The following ENPP1 variants were observed in gnomAD, a reference collection of about 807,000 sequenced individuals.
The protein encoded by ENPP1 is ectonucleotide pyrophosphatase/phosphodiesterase family member 1.
A neutral mutation model predicts 122.8 loss-of-function variants in ENPP1; 73 were observed. The ratio of observed to expected loss-of-function variants is 0.59; its 90% CI spans 0.49 to 0.72. The LOEUF is 0.72. Ranked by LOEUF, ENPP1 falls within the 30% of genes least tolerant of loss-of-function variation. The pLI is 0.00. For missense variants in ENPP1, 978 were observed against 1,128.1 expected (o/e 0.87, Z 1.91); for synonymous variants, 367 against 391.6 (o/e 0.94, Z 0.74).
chr6:131,810,758 G>A (rs1396494510), intron 1 of ENPP1, among the ~76,000 whole-genome samples: 1 of 152,154 alleles, frequency 6.6e-6, no homozygotes, highest in African/African-American at 2.4e-5. Context: ...CAATCATGTT[G>A]CAGTGGCAAT....
At position 131,838,679 on chromosome 6, in the gene ENPP1, A is replaced by G. The variant is rs377089174; in HGVS notation, c.241-9097A>G. On this transcript the variant is annotated intron_variant, in intron 1 of 24. Coordinates refer to ENST00000647893, the MANE Select transcript of ENPP1 (RefSeq NM_006208.3). ...AAGACCAGAAATTAATAAAATAACA[A>G]TAAGCATACAAAAGAAAAGATAAGA... is the stretch of plus-strand genomic sequence containing the variant. Among the ~76,000 whole-genome samples the G allele has an allele frequency of 9.7e-4, 148 of 152,104 alleles. 6 individuals carry two copies. In the South Asian group the frequency reaches 0.03, roughly 30 times the overall value.
Position 131,890,749 on chromosome 6 carries a change from G to C in ENPP1, c.*238G>C, listed in dbSNP as rs1356987273. ...TTGTATACATTGATCAAGTTCGGGGGAATAAAGACAGACCACACCTAAAAC... is the reference window on the plus strand; with the variant it reads ...TTGTATACATTGATCAAGTTCGGGGCAATAAAGACAGACCACACCTAAAAC... On this transcript the variant is annotated 3_prime_UTR_variant, in exon 25 of 25. Transcript: ENST00000647893. 1 of 527,492 alleles carries C rather than the reference G, an allele frequency of 1.9e-6. No individual in the cohort carries two copies. Among genetic ancestry groups the C allele is most frequent in the Non-Finnish European group, 3.4e-6 (1 of 294,248 alleles). 32.7% of individuals were successfully genotyped at this position (527,492 alleles called of 1,614,324 possible). A position where few individuals can be genotyped will look rare whatever the true frequency, so the allele number is the denominator to read the frequency against.
intron 24 of ENPP1, among the ~76,000 whole-genome samples, chr6:131,888,966 G>A (rs1410045859): frequency 6.6e-6 from 1 of 152,122 alleles, no homozygotes; most frequent in Non-Finnish European, 1.5e-5. Flanking sequence ...CACCATTAGG[G>A]ACCCAGAACT....
In ENPP1 at chr6:131,887,725, A is replaced by ATTTTTTTTT. The variant is rs757759048; in HGVS notation, c.2607+1014_2607+1022dup. Among the ~76,000 whole-genome samples the ATTTTTTTTT allele has an allele frequency of 5.1e-4, 59 of 114,874 alleles. 2 individuals are homozygous for ATTTTTTTTT. Among genetic ancestry groups the ATTTTTTTTT allele is most frequent in the African/African-American group, 6.6e-4 (18 of 27,244 alleles). The allele number at this position is 114,874 out of a possible 152,430, so 75.4% of individuals were successfully genotyped here. ...AGGCGCCCGCCACCACACCCGGCTA[A>ATTTTTTTTT]TTTTTTTTTTTTTTTTTTTTTAGTA... On this transcript the variant is annotated intron_variant, in intron 24 of 24. Transcript: ENST00000647893.
chr6:131,830,857 T>TC (rs1022700591), intron 1 of ENPP1, among the ~76,000 whole-genome samples: 8 of 151,906 alleles, frequency 5.3e-5, no homozygotes, highest in African/African-American at 1.9e-4. Flanking sequence ...ACGCCTGTAA[T>TC]CCCAGCATTC....
intron 1 of ENPP1, among the ~76,000 whole-genome samples, chr6:131,810,544 T>C (rs1781337445): frequency 6.8e-6 from 1 of 146,768 alleles, no homozygotes; most frequent in Non-Finnish European, 1.5e-5. Context: ...CTGGGATATG[T>C]CTTCTAGAAA....
chr6:131,834,022 C>T (rs1205674547), intron 1 of ENPP1, among the ~76,000 whole-genome samples: 1 of 152,162 alleles, frequency 6.6e-6, no homozygotes, highest in Non-Finnish European at 1.5e-5. Flanking sequence ...TGATGAAATG[C>T]TTGTGTCTCA....
chr6:131,863,331 T>G (rs534071078), intron 9 of ENPP1, among the ~76,000 whole-genome samples: 1 of 152,184 alleles, frequency 6.6e-6, no homozygotes, highest in African/African-American at 2.4e-5. Flanking sequence ...CCATGATGCA[T>G]TGAGAAAATA....
intron 1 of ENPP1, among the ~76,000 whole-genome samples, chr6:131,835,760 C>T (rs926604788): frequency 2.0e-5 from 3 of 152,062 alleles, no homozygotes; most frequent in Admixed American, 6.6e-5. Flanking sequence ...TTGTTCCCCC[C>T]TCATGTGTCC....
At chr6:131,808,695 CTGAT>C (rs1285655848) in intron 1 of ENPP1, among the ~76,000 whole-genome samples, 4 of 152,328 alleles carry the variant, frequency 2.6e-5, no homozygotes, top group African/African-American at 9.6e-5. Flanking sequence ...CTTGGGTTAA[CTGAT>C]TGCAGTTGAA....
intron 1 of ENPP1, among the ~76,000 whole-genome samples, chr6:131,816,339 A>T (rs1781413515): frequency 6.6e-6 from 1 of 152,196 alleles, no homozygotes; most frequent in Non-Finnish European, 1.5e-5. Flanking sequence ...TTTGGTTAAA[A>T]TAAGCATGCC....
chr6:131,812,849 A>AT (rs142875361), intron 1 of ENPP1, among the ~76,000 whole-genome samples: 6,222 of 150,696 alleles, frequency 0.041, 405 homozygotes, highest in African/African-American at 0.14. Context: ...ATATTCAGAG[A>AT]TTTTTTTTTT....
intron 1 of ENPP1, among the ~76,000 whole-genome samples, chr6:131,813,072 C>T (rs558322156): frequency 7.7e-4 from 117 of 152,256 alleles, no homozygotes; most frequent in Middle Eastern, 3.4e-3. Flanking sequence ...AACTCCTGAG[C>T]TCAGGAATTT....
chr6:131,838,181 A>G (rs570296128), intron 1 of ENPP1, among the ~76,000 whole-genome samples: 4 of 152,192 alleles, frequency 2.6e-5, no homozygotes, highest in African/African-American at 7.2e-5. Context: ...AGAAAATAAG[A>G]CAGATTCACT....
intron 9 of ENPP1, 37 bp downstream of exon 9, chr6:131,861,741 A>T: frequency 1.8e-6 from 2 of 1,112,588 alleles, no homozygotes; most frequent in Non-Finnish European, 2.8e-6. Flanking sequence ...TCTGTAATAT[A>T]GAACAGCTTA....
intron 21 of ENPP1, among the ~76,000 whole-genome samples, chr6:131,882,886 A>G (rs555148156): frequency 7.9e-5 from 12 of 152,076 alleles, no homozygotes; most frequent in African/African-American, 2.2e-4. Flanking sequence ...TGGAATATAT[A>G]TATCAAGTTG....
intron 20 of ENPP1, among the ~76,000 whole-genome samples, chr6:131,880,437 G>A (rs142223236): frequency 0.014 from 2,054 of 151,904 alleles, 66 homozygotes; most frequent in African/African-American, 0.046. Flanking sequence ...GGTGGCGGGC[G>A]CCTGTAGTCC....
At chr6:131,857,325 A>C (rs1412074046) in intron 6 of ENPP1, among the ~76,000 whole-genome samples, 1 of 148,206 alleles carries the variant, frequency 6.7e-6, no homozygotes, top group Admixed American at 6.7e-5. Flanking sequence ...ACTATAAATC[A>C]TGCTGCTATA....
chr6:131,832,432 G>A (rs999869292), intron 1 of ENPP1, among the ~76,000 whole-genome samples: 2 of 152,160 alleles, frequency 1.3e-5, no homozygotes, highest in Non-Finnish European at 2.9e-5. Context: ...AATGAAGCTG[G>A]CCAGATGTGC....
Sources: gnomAD v4.1 joint callset for allele counts (sites outside exome capture counted in the v4.1 genomes callset) on GRCh38, gnomAD v4.1.1 for gene constraint, MANE v1.5 for transcripts, NCBI Gene and HGNC (gene_info 2026-07-23, HGNC 2026-07-21) for gene names.